The following SOX5 variants were observed in gnomAD, a reference collection of about 807,000 sequenced individuals.
SOX5 encodes the protein transcription factor SOX-5.
In SOX5, 9 loss-of-function variants were observed where a neutral mutation model predicts 92.0. The ratio of observed to expected loss-of-function variants is 0.10; its 90% confidence interval spans 0.06 to 0.17. The LOEUF is 0.17. Among genes scored for constraint, SOX5 ranks in the 10% least tolerant of loss-of-function variants. The pLI is 1.00. For synonymous variants in SOX5, 344 were observed against 336.3 expected, an observed-to-expected ratio of 1.02 and a Z score of -0.25; for missense variants, 642 against 944.5, an observed-to-expected ratio of 0.68 and a Z score of 4.20.
At chr12:24,233,601 C>T (rs1272603409) in intron 3 of SOX5, among the ~76,000 whole-genome samples, 1 of 152,212 alleles carries the variant, frequency 6.6e-6, no homozygotes. Flanking sequence ...ACAATCTACC[C>T]ACACAGTTGT....
intron 3 of SOX5, among the ~76,000 whole-genome samples, chr12:23,817,598 C>T (rs1290980594): frequency 6.6e-6 from 1 of 152,164 alleles, no homozygotes; most frequent in African/African-American, 2.4e-5. Flanking sequence ...TGCATAAGCA[C>T]TTAAAGCAAA....
intron 3 of SOX5, among the ~76,000 whole-genome samples, chr12:23,839,188 G>T (rs1206095482): frequency 6.6e-6 from 1 of 151,938 alleles, no homozygotes; most frequent in East Asian, 1.9e-4. Context: ...AAAATTAGGT[G>T]GGGGAGGTAT....
At chr12:24,411,196 C>G (rs1964009856) in intron 1 of SOX5, among the ~76,000 whole-genome samples, 1 of 150,470 alleles carries the variant, frequency 6.6e-6, no homozygotes, top group African/African-American at 2.4e-5. Flanking sequence ...GTTAGTTTTT[C>G]TTTTCTTTTT....
chr12:24,336,400 T>C (rs1434150679), intron 2 of SOX5, among the ~76,000 whole-genome samples: 3 of 152,106 alleles, frequency 2.0e-5, no homozygotes, highest in African/African-American at 7.2e-5. Context: ...GCCGGGTATA[T>C]GGTTTTTTAC....
intron 4 of SOX5, among the ~76,000 whole-genome samples, chr12:24,111,373 G>A (rs1013539415): frequency 6.6e-6 from 1 of 152,142 alleles, no homozygotes; most frequent in Non-Finnish European, 1.5e-5. Context: ...TATCAGACTA[G>A]TCAACACTGT....
intron 4 of SOX5, among the ~76,000 whole-genome samples, chr12:24,120,668 C>T (rs1948518394): frequency 1.3e-5 from 2 of 152,314 alleles, no homozygotes; most frequent in African/African-American, 2.4e-5. Flanking sequence ...TATCTGTGAT[C>T]TTATGGCTAA....
intron 2 of SOX5, among the ~76,000 whole-genome samples, chr12:24,320,883 T>A (rs1488657689): frequency 1.2e-3 from 183 of 149,342 alleles, no homozygotes; most frequent in African/African-American, 4.1e-3. Flanking sequence ...ATAATAATAA[T>A]AATAATAATA....
At chr12:24,270,979 T>C (rs997023928) in intron 3 of SOX5, among the ~76,000 whole-genome samples, 1 of 152,280 alleles carries the variant, frequency 6.6e-6, no homozygotes, top group Non-Finnish European at 1.5e-5. Flanking sequence ...GTAAACCATC[T>C]TGTAGATTTC....
chr12:24,493,126 T>G (rs1947258743), intron 1 of SOX5, among the ~76,000 whole-genome samples: 1 of 152,152 alleles, frequency 6.6e-6, no homozygotes, highest in South Asian at 2.1e-4. Flanking sequence ...GCCTGCCTAT[T>G]TTAAAGCTCC....
chr12:23,851,400 G>A (rs2096632190), intron 2 of SOX5, among the ~76,000 whole-genome samples: 1 of 152,028 alleles, frequency 6.6e-6, no homozygotes, highest in South Asian at 2.1e-4. Flanking sequence ...AAAATGAGAT[G>A]TAAATATAAA....
At chr12:24,376,137 TGA>T (rs1198645106) in intron 1 of SOX5, among the ~76,000 whole-genome samples, 1 of 152,226 alleles carries the variant, frequency 6.6e-6, no homozygotes, top group Non-Finnish European at 1.5e-5. Flanking sequence ...GTCATAAATC[TGA>T]GATACTATGG....
At chr12:23,802,220 C>G (rs999995452) in intron 3 of SOX5, among the ~76,000 whole-genome samples, 1 of 151,914 alleles carries the variant, frequency 6.6e-6, no homozygotes, top group Non-Finnish European at 1.5e-5. Context: ...ACTACAGGCA[C>G]CCACCACCAT....
chr12:24,254,407 T>A (rs1023495390), intron 3 of SOX5, among the ~76,000 whole-genome samples: 1 of 150,770 alleles, frequency 6.6e-6, no homozygotes, highest in East Asian at 2.0e-4. Flanking sequence ...CAAAAAAAAA[T>A]ACATCTAATA....
chr12:23,771,857 T>A (rs986862820), intron 3 of SOX5, among the ~76,000 whole-genome samples: 17 of 152,208 alleles, frequency 1.1e-4, no homozygotes, highest in Non-Finnish European at 2.5e-4. Context: ...GTTTCAAAAA[T>A]ATTCCTTATA....
chr12:24,314,522 A>G (rs1167125990), intron 2 of SOX5, among the ~76,000 whole-genome samples: 1 of 151,036 alleles, frequency 6.6e-6, no homozygotes, highest in East Asian at 1.9e-4. Flanking sequence ...TAATAAAAAT[A>G]AAAATTAAAA....
At chr12:24,296,817 T>C (rs1451873477) in intron 2 of SOX5, among the ~76,000 whole-genome samples, 2 of 54,130 alleles carry the variant, frequency 3.7e-5, no homozygotes, top group Middle Eastern at 9.8e-3. Context: ...TACATTGTTC[T>C]TAAAAAAAAA....
At chr12:23,741,341 G>GT (rs564067964) in intron 4 of SOX5, among the ~76,000 whole-genome samples, 10 of 151,838 alleles carry the variant, frequency 6.6e-5, no homozygotes, top group South Asian at 2.1e-4. Context: ...ATAATCTATA[G>GT]TTTTTTTTAA....
chr12:23,572,366 C>T (rs1450916008), intron 10 of SOX5, among the ~76,000 whole-genome samples: 2 of 151,560 alleles, frequency 1.3e-5, no homozygotes, highest in Admixed American at 6.6e-5. Flanking sequence ...CTTTCAACAT[C>T]TGCATTTGTT....
At chr12:24,121,919 A>G (rs1948670639) in intron 4 of SOX5, among the ~76,000 whole-genome samples, 1 of 148,644 alleles carries the variant, frequency 6.7e-6, no homozygotes, top group African/African-American at 2.5e-5. Flanking sequence ...AAGGGATGAG[A>G]TGATATTGTA....
Sources: gnomAD v4.1 joint callset for allele counts (sites outside exome capture counted in the v4.1 genomes callset) on GRCh38, gnomAD v4.1.1 for gene constraint, MANE v1.5 for transcripts, NCBI Gene and HGNC (gene_info 2026-07-23, HGNC 2026-07-21) for gene names.